The following PREP variants were observed in gnomAD, a reference collection of about 807,000 sequenced individuals.
The protein encoded by PREP is dJ355L5.1 (prolyl endopeptidase).
In PREP, 29 loss-of-function variants were observed where a neutral mutation model predicts 87.6. That is an observed-to-expected ratio of 0.33 (90% CI 0.25 to 0.45). The LOEUF is 0.45. PREP is among the 20% of genes least tolerant of loss of function. PREP has a pLI of 1.00. For synonymous variants in PREP, 337 were observed against 328.6 expected (o/e 1.03, Z -0.28); for missense variants, 695 against 886.5 (o/e 0.78, Z 2.74).
At chr6:105,396,034 T>C (rs1191021084) in intron 2 of PREP, among the ~76,000 whole-genome samples, 2 of 152,222 alleles carry the variant, frequency 1.3e-5, no homozygotes, top group Non-Finnish European at 2.9e-5. Context: ...ACCTGTTCTC[T>C]GTCCCCTCAG....
chr6:105,395,135 T>TC (rs1773256013), intron 2 of PREP, among the ~76,000 whole-genome samples: 1 of 152,074 alleles, frequency 6.6e-6, no homozygotes, highest in African/African-American at 2.4e-5. Flanking sequence ...GGATGTAAGA[T>TC]CACAGTACTC....
intron 10 of PREP, among the ~76,000 whole-genome samples, chr6:105,320,924 A>G (rs1472417203): frequency 1.3e-5 from 2 of 152,354 alleles, no homozygotes; most frequent in Admixed American, 6.5e-5. Flanking sequence ...TGTTGGCAAC[A>G]CTGCCAAGAG....
In PREP at chr6:105,278,747, T is replaced by C. The variant is rs753340666; in HGVS notation, c.1839-309A>G. ...GTGAGTAGTTTCATATTCTCTAGGC[T>C]TTTTTTTTACTGCTACAAAGTGGAG... is the stretch of plus-strand genomic sequence containing the variant. On this transcript the variant is annotated intron_variant, in intron 14 of 14. Coordinates refer to ENST00000652536, the MANE Select transcript of PREP (RefSeq NM_002726.5). The surrounding 1 kb of genome is among the most constrained non-coding windows in gnomAD (Gnocchi z 4.2). Among the ~76,000 whole-genome samples the C allele has an allele frequency of 3.3e-5, 5 of 150,698 alleles. No individual in the cohort carries two copies. The highest frequency in any genetic ancestry group is 7.4e-5 in the Non-Finnish European group (5 of 67,674).
chr6:105,337,845 A>C (rs7743407), intron 7 of PREP, among the ~76,000 whole-genome samples: 2,693 of 152,370 alleles, frequency 0.018, 99 homozygotes, highest in African/African-American at 0.061. Context: ...CGTTACAACT[A>C]ATTTTCAACT....
intron 7 of PREP, among the ~76,000 whole-genome samples, chr6:105,344,009 T>A (rs1771731971): frequency 6.6e-6 from 1 of 152,218 alleles, no homozygotes; most frequent in African/African-American, 2.4e-5. Flanking sequence ...GACCCAGCCA[T>A]CCCATTACTG....
chr6:105,322,730 G>A, intron 10 of PREP: 1 of 1,012,378 alleles, frequency 9.9e-7, no homozygotes, highest in Admixed American at 5.3e-5. Flanking sequence ...TGTAGAACAG[G>A]GGCTGATAAA....
chr6:105,286,344 T>G (rs750071711), intron 11 of PREP, among the ~76,000 whole-genome samples: 19 of 152,180 alleles, frequency 1.2e-4, no homozygotes, highest in Non-Finnish European at 2.4e-4. Flanking sequence ...CTACAGAAAT[T>G]TCTATGGTAA....
intron 10 of PREP, among the ~76,000 whole-genome samples, chr6:105,296,613 C>G (rs1426737989): frequency 6.6e-6 from 1 of 152,172 alleles, no homozygotes; most frequent in Admixed American, 6.5e-5. Flanking sequence ...AACTATTATA[C>G]ACCATTTATT....
intron 10 of PREP, among the ~76,000 whole-genome samples, chr6:105,292,198 T>C (rs1441570234): frequency 2.0e-5 from 3 of 152,204 alleles, no homozygotes; most frequent in African/African-American, 7.2e-5. Context: ...TGGTGAATCC[T>C]TTCTAGAAGG....
chr6:105,282,363 G>C, intron 13 of PREP, 88 bp downstream of exon 13: 2 of 1,484,588 alleles, frequency 1.3e-6, no homozygotes, highest in Non-Finnish European at 1.8e-6. Context: ...TATCCACAAA[G>C]TTAAGTCAAG....
chr6:105,292,858 C>T lies in PREP; in HGVS notation c.1318-3964G>A, dbSNP rs143497501. On this transcript the variant is annotated intron_variant, in intron 10 of 14. Transcript: ENST00000652536. ...ATCTTGCACTTTTATGTTATGCAGACGGCTTCTTTCCTGAAACCGTATGGC... is the reference window on the plus strand; with the variant it reads ...ATCTTGCACTTTTATGTTATGCAGATGGCTTCTTTCCTGAAACCGTATGGC... Among the ~76,000 whole-genome samples the T allele has an allele frequency of 4.1e-3, 618 of 152,328 alleles. 2 individuals are homozygous for T. Among genetic ancestry groups the T allele is most frequent in the Middle Eastern group, 0.014 (4 of 294 alleles).
chr6:105,385,167 T>C (rs1772955263), intron 2 of PREP, among the ~76,000 whole-genome samples: 1 of 150,848 alleles, frequency 6.6e-6, no homozygotes, highest in Non-Finnish European at 1.5e-5. Context: ...AGGTGTTTTA[T>C]GAGAAAGAAT....
chr6:105,396,182 T>C (rs1203578834), intron 2 of PREP, among the ~76,000 whole-genome samples: 1 of 152,156 alleles, frequency 6.6e-6, no homozygotes, highest in Non-Finnish European at 1.5e-5. Context: ...ACCATTCTCA[T>C]CCATGAGATC....
At chr6:105,321,406 T>C (rs1442364779) in intron 10 of PREP, among the ~76,000 whole-genome samples, 1 of 152,212 alleles carries the variant, frequency 6.6e-6, no homozygotes, top group Non-Finnish European at 1.5e-5. Context: ...TCTGGGAGAG[T>C]TCCAGTGCCA....
intron 2 of PREP, among the ~76,000 whole-genome samples, chr6:105,387,449 T>C (rs1183305854): frequency 6.6e-6 from 1 of 152,034 alleles, no homozygotes; most frequent in East Asian, 1.9e-4. Flanking sequence ...AGTGTGCTTT[T>C]CTAAAATGGA....
intron 10 of PREP, among the ~76,000 whole-genome samples, chr6:105,290,309 T>C (rs1486449912): frequency 1.3e-5 from 2 of 152,146 alleles, no homozygotes. Flanking sequence ...CTAAAATACA[T>C]AGCCTTCAAC....
chr6:105,314,083 G>GT (rs1238976376), intron 10 of PREP, among the ~76,000 whole-genome samples: 3 of 152,064 alleles, frequency 2.0e-5, no homozygotes, highest in Admixed American at 6.5e-5. Context: ...TATAAAAGCT[G>GT]TTTACACTAG....
chr6:105,398,312 G>T (rs1323474010), intron 1 of PREP, among the ~76,000 whole-genome samples: 1 of 152,276 alleles, frequency 6.6e-6, no homozygotes, highest in East Asian at 1.9e-4. Context: ...CGTCAGGGAG[G>T]GGGCTAACAC....
chr6:105,368,068 G>C (rs1208240100), intron 6 of PREP, among the ~76,000 whole-genome samples: 1 of 152,214 alleles, frequency 6.6e-6, no homozygotes, highest in Non-Finnish European at 1.5e-5. Context: ...CAACGAAGCA[G>C]ACAGAGGAAC....
Sources: allele counts gnomAD v4.1 joint callset (sites outside exome capture counted in the v4.1 genomes callset), GRCh38; gene constraint gnomAD v4.1.1; non-coding constraint Gnocchi (gnomAD v3.1); transcripts MANE v1.5; gene names NCBI Gene and HGNC (gene_info 2026-07-23, HGNC 2026-07-21).